CNTN4: variants seen among roughly 807,000 people sequenced by gnomAD.
CNTN4 encodes the protein contactin 4.
CNTN4 carries 77 observed loss-of-function variants against 122.5 expected under a neutral mutation model. That is an observed-to-expected ratio of 0.63 (90% CI 0.52 to 0.76). The LOEUF is 0.76. Among genes scored for constraint, CNTN4 ranks in the 30% least tolerant of loss-of-function variants. CNTN4 has a pLI of 0.00. For missense variants in CNTN4, 1,256 were observed against 1,259.1 expected, an observed-to-expected ratio of 1.00 and a Z score of 0.04; for synonymous variants, 512 against 447.0, an observed-to-expected ratio of 1.15 and a Z score of -1.83.
At chr3:2,798,685 A>T (rs964263640) in intron 6 of CNTN4, among the ~76,000 whole-genome samples, 4 of 151,966 alleles carry the variant, frequency 2.6e-5, no homozygotes, top group African/African-American at 9.7e-5. Context: ...GTTTTTTTGT[A>T]TTTTTAGTAG....
At chr3:2,673,685 T>G (rs542543818) in intron 4 of CNTN4, among the ~76,000 whole-genome samples, 1 of 152,084 alleles carries the variant, frequency 6.6e-6, no homozygotes, top group South Asian at 2.1e-4. Context: ...GGACTACAGG[T>G]GCCCACCACC....
At chr3:2,480,606 A>G (rs993144465) in intron 3 of CNTN4, among the ~76,000 whole-genome samples, 3 of 152,232 alleles carry the variant, frequency 2.0e-5, no homozygotes, top group Non-Finnish European at 2.9e-5. Context: ...ACTCTGATAA[A>G]AGAACTAAAT....
intron 14 of CNTN4, among the ~76,000 whole-genome samples, chr3:3,003,866 C>T (rs1242612019): frequency 6.6e-6 from 1 of 152,110 alleles, no homozygotes; most frequent in Non-Finnish European, 1.5e-5. Flanking sequence ...CCTTCCACCT[C>T]AGCCCACTAG....
chr3:2,592,489 T>C lies in CNTN4; in HGVS notation c.55+20931T>C, dbSNP rs60915829. Among the ~76,000 whole-genome samples, 260 of 152,168 alleles carry C rather than the reference T, an allele frequency of 1.7e-3. 2 individuals carry two copies. Among genetic ancestry groups the C allele is most frequent in the African/African-American group, 5.7e-3 (236 of 41,492 alleles). On this transcript the variant is annotated intron_variant, in intron 4 of 24. Coordinates refer to ENST00000418658, the MANE Select transcript of CNTN4 (RefSeq NM_175607.3). Reference sequence around the variant, plus strand: ...GTGGGACGTACCGGGTAAGAGATGATTGAATCATGGGGATGGGTCTTTCCC... The same window carrying C: ...GTGGGACGTACCGGGTAAGAGATGACTGAATCATGGGGATGGGTCTTTCCC...
At chr3:2,732,170 G>A (rs570088099) in intron 4 of CNTN4, among the ~76,000 whole-genome samples, 1 of 152,252 alleles carries the variant, frequency 6.6e-6, no homozygotes, top group Non-Finnish European at 1.5e-5. Flanking sequence ...GTCTAAAACC[G>A]GTGTTGGCCG....
intron 3 of CNTN4, among the ~76,000 whole-genome samples, chr3:2,470,103 TC>T (rs2075633950): frequency 6.6e-6 from 1 of 151,952 alleles, no homozygotes; most frequent in Non-Finnish European, 1.5e-5. Context: ...TCTCGCTCTC[TC>T]GCCCAGGCTG....
intron 3 of CNTN4, among the ~76,000 whole-genome samples, chr3:2,409,278 C>G (rs182533277): frequency 3.6e-5 from 5 of 140,216 alleles, no homozygotes; most frequent in Admixed American, 3.0e-4. Flanking sequence ...GATAGTGTCT[C>G]GCTCTGTCGC....
At chr3:2,661,758 A>G (rs2083906406) in intron 4 of CNTN4, among the ~76,000 whole-genome samples, 4 of 145,650 alleles carry the variant, frequency 2.7e-5, no homozygotes, top group African/African-American at 7.7e-5. Context: ...GTTGCGGTGA[A>G]CCGAGACGCC....
chr3:2,978,730 T>C (rs575772921), intron 13 of CNTN4, among the ~76,000 whole-genome samples: 4 of 152,296 alleles, frequency 2.6e-5, no homozygotes, highest in African/African-American at 9.6e-5. Flanking sequence ...GGGATGCCTG[T>C]CTAACCGCCC....
intron 13 of CNTN4, among the ~76,000 whole-genome samples, chr3:2,936,933 G>A (rs10212199): frequency 1.2e-4 from 18 of 152,174 alleles, no homozygotes; most frequent in African/African-American, 4.3e-4. Context: ...GTGGCTGGCG[G>A]CTTTTACACT....
chr3:2,989,239 G>T (rs1178532374), intron 14 of CNTN4, among the ~76,000 whole-genome samples: 1 of 152,152 alleles, frequency 6.6e-6, no homozygotes, highest in Non-Finnish European at 1.5e-5. Context: ...TCTTGACAAT[G>T]ATTTGACTGA....
intron 16 of CNTN4, among the ~76,000 whole-genome samples, chr3:3,034,182 G>A (rs930923388): frequency 6.6e-6 from 1 of 152,100 alleles, no homozygotes; most frequent in Non-Finnish European, 1.5e-5. Flanking sequence ...TATTCTCAGT[G>A]GTAGAAATAA....
At chr3:2,681,610 C>A (rs918671745) in intron 4 of CNTN4, among the ~76,000 whole-genome samples, 146 of 151,238 alleles carry the variant, frequency 9.7e-4, no homozygotes, top group African/African-American at 3.4e-3. Flanking sequence ...ATATGATGAA[C>A]TTGATATATG....
intron 3 of CNTN4, among the ~76,000 whole-genome samples, chr3:2,511,059 C>T (rs897489043): frequency 6.6e-6 from 1 of 152,132 alleles, no homozygotes; most frequent in Non-Finnish European, 1.5e-5. Flanking sequence ...AGAACATACA[C>T]GTGTATGTCG....
chr3:2,660,353 C>T (rs17018137), intron 4 of CNTN4, among the ~76,000 whole-genome samples: 1 of 152,072 alleles, frequency 6.6e-6, no homozygotes, highest in African/African-American at 2.4e-5. Context: ...GTTATATCAA[C>T]CAAGTATTTC....
chr3:2,485,579 G>T (rs1262815271), intron 3 of CNTN4, among the ~76,000 whole-genome samples: 7 of 152,130 alleles, frequency 4.6e-5, no homozygotes, highest in Non-Finnish European at 4.4e-5. Flanking sequence ...CTAGTTCAAG[G>T]TTTGTAAATG....
chr3:2,460,978 A>C lies in CNTN4; in HGVS notation c.-88-110438A>C, dbSNP rs138240154. On this transcript the variant is annotated intron_variant, in intron 3 of 24. Transcript: ENST00000418658. Reference sequence around the variant, plus strand: ...CTTTATGGCCCCTTACTAGGAAATAAATTCGTGTGATCTAGGAAGCCCCTG... The same window carrying C: ...CTTTATGGCCCCTTACTAGGAAATACATTCGTGTGATCTAGGAAGCCCCTG... Among the ~76,000 whole-genome samples, 1,176 of 152,172 alleles carry C rather than the reference A, an allele frequency of 7.7e-3. 18 individuals carry two copies. Among genetic ancestry groups the C allele is most frequent in the African/African-American group, 0.027 (1,107 of 41,514 alleles).
intron 20 of CNTN4, chr3:3,041,174 T>C (rs1199145566): frequency 6.6e-6 from 1 of 152,196 alleles, no homozygotes; most frequent in Non-Finnish European, 1.5e-5. Flanking sequence ...GAATCATTGA[T>C]TTAGAGTCAG....
At chr3:2,688,120 T>C (rs998766558) in intron 4 of CNTN4, among the ~76,000 whole-genome samples, 6 of 152,216 alleles carry the variant, frequency 3.9e-5, no homozygotes, top group Non-Finnish European at 7.4e-5. Flanking sequence ...TGATAACTTA[T>C]TAAAATATGA....
Sources: gnomAD v4.1 joint callset for allele counts (sites outside exome capture counted in the v4.1 genomes callset) on GRCh38, gnomAD v4.1.1 for gene constraint, MANE v1.5 for transcripts, NCBI Gene and HGNC (gene_info 2026-07-23, HGNC 2026-07-21) for gene names.